The following KRCC1 variants were observed in gnomAD, a reference collection of about 807,000 sequenced individuals.
KRCC1 encodes the protein lysine rich coiled-coil 1, also known as lysine-rich coiled-coil protein 1.
Under a neutral mutation model 7.4 loss-of-function variants are expected in KRCC1, and 3 were observed. The observed-to-expected ratio is 0.40, with a 90% confidence interval of 0.18 to 1.04. The LOEUF (loss-of-function observed/expected upper bound fraction) is 1.04. Among genes scored for constraint, KRCC1 ranks in the 50% least tolerant of loss-of-function variants. The pLI is 0.33. For synonymous variants in KRCC1, 102 were observed against 101.6 expected (o/e 1.00, Z -0.02); for missense variants, 277 against 300.9 (o/e 0.92, Z 0.59).
chr2:88,036,342 C>T (rs1673089914), intron 2 of KRCC1, among the ~76,000 whole-genome samples: 1 of 152,066 alleles, frequency 6.6e-6, no homozygotes, highest in Non-Finnish European at 1.5e-5. Flanking sequence ...GGAGCTATAC[C>T]ATATAAAAGG....
rs1416835896 is a variant in KRCC1 at position 88,053,587 on chromosome 2, C to G, written c.-291+2039G>C. Among the ~76,000 whole-genome samples the G allele has an allele frequency of 2.0e-5, 3 of 152,116 alleles. No individual in the cohort carries two copies. The East Asian group carries it at 5.8e-4, about 29-fold the overall frequency. On this transcript the variant is annotated intron_variant, in intron 1 of 3. Coordinates refer to ENST00000347055, the MANE Select transcript of KRCC1 (RefSeq NM_016618.3). ...ACTGAAGACACTAAATCTAGTCTTCCAAAACTGCCTTCACTAAGAGAACTT... is the reference window on the plus strand; with the variant it reads ...ACTGAAGACACTAAATCTAGTCTTCGAAAACTGCCTTCACTAAGAGAACTT...
intron 1 of KRCC1, among the ~76,000 whole-genome samples, chr2:88,041,344 T>C (rs1235527948): frequency 2.6e-5 from 4 of 151,814 alleles, no homozygotes; most frequent in African/African-American, 9.7e-5. Context: ...GTTGTTGTTA[T>C]CCCCCAGAAG....
At chr2:88,038,620 G>A (rs561469906) in intron 1 of KRCC1, among the ~76,000 whole-genome samples, 134 of 152,304 alleles carry the variant, frequency 8.8e-4, no homozygotes, top group Non-Finnish European at 1.6e-3. Context: ...CAAAGACTGG[G>A]TAATTTATAA....
At chr2:88,041,199 GA>G (rs1673203141) in intron 1 of KRCC1, among the ~76,000 whole-genome samples, 1 of 152,194 alleles carries the variant, frequency 6.6e-6, no homozygotes, top group Non-Finnish European at 1.5e-5. Context: ...TCTAAAGGTG[GA>G]ATCAAAGGAA....
chr2:88,035,792 T>C (rs1215986343), intron 2 of KRCC1, among the ~76,000 whole-genome samples: 1 of 152,188 alleles, frequency 6.6e-6, no homozygotes, highest in Non-Finnish European at 1.5e-5. Flanking sequence ...TCAATGAAAC[T>C]CAAGTTATCA....
intron 1 of KRCC1, among the ~76,000 whole-genome samples, chr2:88,051,035 T>C (rs1243492322): frequency 6.6e-6 from 1 of 151,484 alleles, no homozygotes; most frequent in Non-Finnish European, 1.5e-5. Flanking sequence ...GCAGTCCTCC[T>C]ACCTCAGCCT....
At position 88,028,412 on chromosome 2, in the gene KRCC1, T is replaced by G. The variant is rs1035491005; in HGVS notation, c.152A>C (p.Asn51Thr). 3 of 1,614,074 alleles carry G rather than the reference T, an allele frequency of 1.9e-6. No homozygotes were observed. The Admixed American group carries it at 5.0e-5, about 27-fold the overall frequency. ...AAACATTCTATACGTGGGTCTGGAATTAACCTCTCCTTTGTACCCACAGGT... is the reference window on the plus strand; with the variant it reads ...AAACATTCTATACGTGGGTCTGGAAGTAACCTCTCCTTTGTACCCACAGGT... ...LETCGYKGEV[N>T]SRPTYRMFDQ... The change falls in exon 4 of 4, where the codon AAT becomes ACT. Residue 51 changes from asparagine (N) to threonine (T), a missense_variant. By Grantham distance (65) the Asn-to-Thr change is moderately conservative. Transcript: ENST00000347055.
chr2:88,052,461 G>A (rs547002689), intron 1 of KRCC1, among the ~76,000 whole-genome samples: 1 of 152,300 alleles, frequency 6.6e-6, no homozygotes, highest in Admixed American at 6.5e-5. Flanking sequence ...TTGCATATCT[G>A]CATTTGTGAA....
intron 1 of KRCC1, among the ~76,000 whole-genome samples, chr2:88,046,242 G>C (rs1673331417): frequency 1.3e-5 from 2 of 152,174 alleles, no homozygotes. Flanking sequence ...CCTGGAATCA[G>C]TTCTGCCACT....
At chr2:88,029,829 T>C (rs954077454) in intron 3 of KRCC1, among the ~76,000 whole-genome samples, 3 of 130,472 alleles carry the variant, frequency 2.3e-5, no homozygotes, top group African/African-American at 8.2e-5. Flanking sequence ...ATATTATATA[T>C]ATATAAAAAA....
intron 3 of KRCC1, among the ~76,000 whole-genome samples, chr2:88,031,412 AG>A (rs1386281173): frequency 1.3e-5 from 2 of 152,172 alleles, no homozygotes; most frequent in African/African-American, 2.4e-5. Flanking sequence ...ACTTGAGGTC[AG>A]GAGTTCGAGA....
chr2:88,039,086 G>GA (rs144626165), intron 1 of KRCC1, among the ~76,000 whole-genome samples: 2,871 of 152,082 alleles, frequency 0.019, 49 homozygotes, highest in Non-Finnish European at 0.03. Flanking sequence ...AGTATCCACA[G>GA]AAAAAAATCT....
At position 88,028,125 on chromosome 2, in the gene KRCC1, T is replaced by C. The variant is rs1573071658; in HGVS notation, c.439A>G (p.Ser147Gly). 1 of 1,614,168 alleles carries C rather than the reference T, an allele frequency of 6.2e-7. No individual in the cohort carries two copies. The highest frequency in any genetic ancestry group is 8.5e-7 in the Non-Finnish European group (1 of 1,180,020). ...YKHFSSDNST[S>G]THQASHKQIH... ...TGTTTGTGACTGGCTTGATGAGTACTGGTACTGTTATCTGAGGAGAAGTGC... is the reference window on the plus strand; with the variant it reads ...TGTTTGTGACTGGCTTGATGAGTACCGGTACTGTTATCTGAGGAGAAGTGC... Residue 147 changes from serine (S) to glycine (G), a missense_variant, in exon 4 of 4, where the codon AGT becomes GGT. Ser to Gly is a moderately conservative substitution (Grantham distance 56). Transcript: ENST00000347055.
At chr2:88,035,414 G>A (rs760762162) in intron 2 of KRCC1, among the ~76,000 whole-genome samples, 4 of 152,156 alleles carry the variant, frequency 2.6e-5, no homozygotes, top group African/African-American at 7.2e-5. Context: ...CCCTTCTGCT[G>A]CTGAAATGAG....
Sources: allele counts gnomAD v4.1 joint callset (sites outside exome capture counted in the v4.1 genomes callset), GRCh38; gene constraint gnomAD v4.1.1; transcripts MANE v1.5; gene names NCBI Gene and HGNC (gene_info 2026-07-23, HGNC 2026-07-21).